PCDHGB3: variants seen among roughly 807,000 people sequenced by gnomAD.
The protein encoded by PCDHGB3 is protocadherin gamma-B3.
PCDHGB3 carries 40 observed loss-of-function variants against 59.2 expected under a neutral mutation model. The ratio of observed to expected loss-of-function variants is 0.68; its 90% CI spans 0.52 to 0.88. The LOEUF (loss-of-function observed/expected upper bound fraction) is 0.88, where lower values mean the gene tolerates loss of function less well. Ranked by LOEUF, PCDHGB3 falls within the 40% of genes least tolerant of loss-of-function variation. PCDHGB3 has a pLI of 0.00. For missense variants in PCDHGB3, 1,309 were observed against 1,187.9 expected (o/e 1.10, Z -1.50); for synonymous variants, 581 against 503.6 (o/e 1.15, Z -2.06).
intron 1 of PCDHGB3, chr5:141,409,493 CCT>C (rs1312265786): frequency 6.2e-6 from 10 of 1,614,012 alleles, no homozygotes; most frequent in Non-Finnish European, 7.6e-6. Context: ...GGGCAAGCCG[CCT>C]CTTTCTTCCA....
rs1428628914 is a variant in PCDHGB3, at chr5:141,487,223, G to A, written c.2416-7584G>A. 1.2e-6 allele frequency: 2 copies of A among 1,614,076 alleles called. No homozygotes were observed. The highest frequency in any genetic ancestry group is 2.2e-5 in the East Asian group (1 of 44,866). The stretch of plus-strand genomic sequence containing the variant: ...TCTTCGAGAATCTTCAGCTCCAAGG[G>A]AAGGAGAATCTCGTCTAACCCTCTA... On this transcript the variant is annotated intron_variant, in intron 1 of 3. Transcript: ENST00000576222. This position sits in a 1 kb window ranked among gnomAD's most constrained non-coding sequence, Gnocchi z 5.0.
chr5:141,374,906 G>A (rs1200666906), intron 1 of PCDHGB3: 5 of 1,613,650 alleles, frequency 3.1e-6, no homozygotes, highest in South Asian at 2.2e-5. Context: ...AGGAGTCCAC[G>A]GGGAAGTAAC....
intron 1 of PCDHGB3, chr5:141,414,324 T>G (rs2095735584): frequency 6.2e-7 from 1 of 1,613,758 alleles, no homozygotes; most frequent in South Asian, 1.1e-5. Context: ...CTGAGCAGAA[T>G]GGACAGGTAA....
chr5:141,381,153 G>A (rs1345573365), intron 1 of PCDHGB3, among the ~76,000 whole-genome samples: 3 of 152,196 alleles, frequency 2.0e-5, no homozygotes, highest in Non-Finnish European at 4.4e-5. Context: ...GCAGAAATAG[G>A]TTACTTAGGA....
At chr5:141,384,391 G>C (rs759810331) in intron 1 of PCDHGB3, 24 of 1,613,920 alleles carry the variant, frequency 1.5e-5, no homozygotes, top group Non-Finnish European at 2.0e-5. Flanking sequence ...CACCATCCAG[G>C]GGGCTCCAGT....
At chr5:141,438,287 T>C (rs1183751436) in intron 1 of PCDHGB3, among the ~76,000 whole-genome samples, 1 of 152,054 alleles carries the variant, frequency 6.6e-6, no homozygotes, top group African/African-American at 2.4e-5. Context: ...TAATTTAATC[T>C]GTATGTAAAA....
intron 1 of PCDHGB3, chr5:141,398,054 A>C: frequency 1.3e-6 from 2 of 1,519,030 alleles, no homozygotes; most frequent in Non-Finnish European, 1.8e-6. Context: ...CGGAGATCCA[A>C]AAATCTACAA....
Position 141,372,307 on chromosome 5 carries a change from C to T in PCDHGB3, c.1913C>T (p.Ala638Val). 1.9e-6 allele frequency: 3 copies of T among 1,613,452 alleles called. No individual in the cohort carries two copies. The highest frequency in any genetic ancestry group is 2.5e-6 in the Non-Finnish European group (3 of 1,179,898). Residue 638 changes from alanine to valine, a missense_variant, in exon 1 of 4, where the codon GCC becomes GTC. Physicochemically the swap from Ala to Val is moderately conservative, Grantham distance 64. Coordinates refer to ENST00000576222, the MANE Select transcript of PCDHGB3 (RefSeq NM_018924.5). The part of the protein sequence containing the change: ...TARTLGDREA[A>V]RQRLLVTVRD... ...CGTACCTTGGGCGACAGGGAGGCCG[C>T]CCGCCAGCGCCTGCTGGTCACTGTG...
intron 1 of PCDHGB3, chr5:141,414,088 A>T: frequency 6.3e-7 from 1 of 1,599,384 alleles, no homozygotes; most frequent in African/African-American, 1.3e-5. Context: ...TACTGGAGAA[A>T]TAAAAATATC....
intron 1 of PCDHGB3, chr5:141,379,151 G>A (rs1015357697): frequency 4.6e-5 from 7 of 152,166 alleles, no homozygotes; most frequent in Admixed American, 6.5e-5. Flanking sequence ...TTTGTAACCT[G>A]ACTTTGTCAG....
chr5:141,384,464 A>G, intron 1 of PCDHGB3: 2 of 1,614,112 alleles, frequency 1.2e-6, no homozygotes, highest in Non-Finnish European at 1.7e-6. Context: ...TCCTTTGATT[A>G]TGAGCAGTTG....
In PCDHGB3 at chr5:141,432,287, G is replaced by A. The variant is rs189131107; in HGVS notation, c.2415+59478G>A. On this transcript the variant is annotated intron_variant, in intron 1 of 3. Transcript: ENST00000576222. This position sits in a 1 kb window ranked among gnomAD's most constrained non-coding sequence, Gnocchi z 6.0. ...ATCGTCCTACGTGTCCATCAACTCC[G>A]ACACTGGGGTACTGTATGCGCTGAG... The A allele has an allele frequency of 2.3e-4, 365 of 1,614,216 alleles. 2 individuals carry two copies. In the East Asian group the frequency reaches 6.5e-3, roughly 29 times the overall value.
At chr5:141,380,907 C>T (rs1406481355) in intron 1 of PCDHGB3, among the ~76,000 whole-genome samples, 3 of 152,296 alleles carry the variant, frequency 2.0e-5, no homozygotes, top group Admixed American at 6.5e-5. Flanking sequence ...TCTACAAGTG[C>T]TTACATTGTT....
intron 3 of PCDHGB3, 69 bp from the exon 4 acceptor site, chr5:141,510,878 G>A (rs896348248): frequency 6.2e-7 from 1 of 1,610,438 alleles, no homozygotes; most frequent in African/African-American, 1.3e-5. Context: ...TTAACTGCTG[G>A]GGATATAAGA....
intron 1 of PCDHGB3, among the ~76,000 whole-genome samples, chr5:141,445,851 A>G (rs957077325): frequency 2.0e-5 from 3 of 152,210 alleles, no homozygotes; most frequent in African/African-American, 7.2e-5. Context: ...CACACTTAAA[A>G]TTCTGGATTT....
chr5:141,415,529 G>C, intron 1 of PCDHGB3: 1 of 1,614,184 alleles, frequency 6.2e-7, no homozygotes, highest in South Asian at 1.1e-5. Context: ...ACGCTCATCA[G>C]CCAGGAGAGC....
At chr5:141,383,059 C>A (rs1778767353) in intron 1 of PCDHGB3, 1 of 1,613,894 alleles carries the variant, frequency 6.2e-7, no homozygotes, top group Non-Finnish European at 8.5e-7. Flanking sequence ...GGACCTGGGG[C>A]TGGAGCCCCG....
chr5:141,463,466 T>G (rs1400160593), intron 1 of PCDHGB3, among the ~76,000 whole-genome samples: 2 of 142,982 alleles, frequency 1.4e-5, no homozygotes, highest in African/African-American at 5.2e-5. Context: ...TTTTTTTTTT[T>G]GAGATGGAGT....
In PCDHGB3 at chr5:141,490,108, C is replaced by A; in HGVS notation, c.2416-4699C>A. The A allele has an allele frequency of 6.2e-7, 1 of 1,614,244 alleles. No homozygotes were observed. The highest frequency in any genetic ancestry group is 8.5e-7 in the Non-Finnish European group (1 of 1,180,034). On this transcript the variant is annotated intron_variant, in intron 1 of 3. Transcript: ENST00000576222. This position sits in a 1 kb window ranked among gnomAD's most constrained non-coding sequence, Gnocchi z 5.4. The stretch of plus-strand genomic sequence containing the variant: ...TGGAGACCACACATCTGAGGCAGTG[C>A]GGAACCTCTTTGGCCTAGACCCTAG...
Sources: gnomAD v4.1 joint callset for allele counts (sites outside exome capture counted in the v4.1 genomes callset) on GRCh38, gnomAD v4.1.1 for gene constraint, Gnocchi (gnomAD v3.1) non-coding constraint, MANE v1.5 for transcripts, NCBI Gene and HGNC (gene_info 2026-07-23, HGNC 2026-07-21) for gene names.